The following UTRN variants were observed in gnomAD, a reference collection of about 807,000 sequenced individuals.
The protein encoded by UTRN is dystrophin-related protein 1.
A neutral mutation model predicts 463.9 loss-of-function variants in UTRN; 283 were observed. The observed-to-expected ratio is 0.61, with a 90% CI of 0.55 to 0.67. The LOEUF is 0.67. Ranked by LOEUF, UTRN falls within the 30% of genes least tolerant of loss-of-function variation. UTRN has a pLI of 0.00. For missense variants in UTRN, 3,922 were observed against 4,084.3 expected, an observed-to-expected ratio of 0.96 and a Z score of 1.08; for synonymous variants, 1,442 against 1,431.5, an observed-to-expected ratio of 1.01 and a Z score of -0.17.
At chr6:144,326,316 T>C (rs1775970844) in intron 2 of UTRN, among the ~76,000 whole-genome samples, 1 of 152,290 alleles carries the variant, frequency 6.6e-6, no homozygotes, top group East Asian at 1.9e-4. Flanking sequence ...GTTTTTTTTT[T>C]TTAGTAGCCC....
At chr6:144,635,517 T>C (rs1562685689) in intron 51 of UTRN, among the ~76,000 whole-genome samples, 1 of 80,768 alleles carries the variant, frequency 1.2e-5, no homozygotes, top group Non-Finnish European at 2.4e-5. Context: ...TTTTTTTCTT[T>C]TTTTTTTTTT....
At chr6:144,579,277 G>C (rs1801732815) in intron 51 of UTRN, among the ~76,000 whole-genome samples, 1 of 152,132 alleles carries the variant, frequency 6.6e-6, no homozygotes, top group Non-Finnish European at 1.5e-5. Context: ...TATTTTAGGA[G>C]GTCATAGAGG....
chr6:144,448,802 A>G (rs1410042021), intron 17 of UTRN, 33 bp downstream of exon 17: 10 of 1,603,916 alleles, frequency 6.2e-6, no homozygotes, highest in African/African-American at 1.3e-5. Context: ...TTCAAATCCA[A>G]TATTGCACAT....
At chr6:144,558,184 A>G (rs922184064) in intron 50 of UTRN, among the ~76,000 whole-genome samples, 5 of 152,170 alleles carry the variant, frequency 3.3e-5, no homozygotes, top group Non-Finnish European at 5.9e-5. Flanking sequence ...ACATTTTGAC[A>G]TGGATACGTT....
Position 144,510,993 on chromosome 6 carries a change from C to G in UTRN, c.4814C>G (p.Thr1605Arg), listed in dbSNP as rs1341137055. Residue 1605 changes from threonine (T) to arginine (R), a missense_variant, in exon 35 of 75, where the codon ACA (threonine) becomes AGA (arginine). Physicochemically the swap from Thr to Arg is moderately conservative, Grantham distance 71. This residue lies in a region of UTRN where 2,349 missense variants were observed against 2,303.8 expected (regional missense o/e 1.02). Coordinates refer to ENST00000367545, the MANE Select transcript of UTRN (RefSeq NM_007124.3). ...EKRKADLNTI[T>R]ESSAALQNLI... The stretch of plus-strand genomic sequence containing the variant: ...AGAAAAGCTGATTTAAATACCATCA[C>G]AGAGAGTAGTGCTGCCCTGCAAAAC... 4 of 1,610,874 alleles carry G rather than the reference C, an allele frequency of 2.5e-6. No homozygotes were observed. The South Asian group carries it at 3.3e-5, about 13-fold the overall frequency.
At chr6:144,836,021 A>G (rs1781073328) in intron 70 of UTRN, 83 bp downstream of exon 70, 1 of 1,541,994 alleles carries the variant, frequency 6.5e-7, no homozygotes, top group Non-Finnish European at 8.7e-7. Context: ...TCTCTTTTTC[A>G]AGACTATTGT....
intron 34 of UTRN, among the ~76,000 whole-genome samples, chr6:144,500,580 C>T (rs912727249): frequency 2.0e-5 from 3 of 152,142 alleles, no homozygotes; most frequent in Non-Finnish European, 2.9e-5. Flanking sequence ...TAATTCACCA[C>T]CTTTAAAATC....
rs746416675 is a variant in UTRN, at chr6:144,482,326, G to A, written c.3625G>A (p.Val1209Ile). The change falls in exon 27 of 75, where the codon GTT (valine) becomes ATT (isoleucine). Residue 1209 changes from valine to isoleucine, a missense_variant. Physicochemically the swap from Val to Ile is conservative, Grantham distance 29. Transcript: ENST00000367545. ...GGQELTSELN[V>I]VLENYQLLCN... Reference sequence around the variant, plus strand: ...CCAGGAGTTGACGTCTGAGCTGAATGTTGTGCTGGAGAATTACCAACTTCT... The same window carrying A: ...CCAGGAGTTGACGTCTGAGCTGAATATTGTGCTGGAGAATTACCAACTTCT... 1.2e-6 allele frequency: 2 copies of A among 1,607,598 alleles called. No homozygotes were observed. The highest frequency in any genetic ancestry group is 1.3e-5 in the African/African-American group (1 of 74,694).
At chr6:144,403,703 T>C (rs1390824009) in intron 3 of UTRN, among the ~76,000 whole-genome samples, 19 of 152,246 alleles carry the variant, frequency 1.2e-4, no homozygotes, top group Non-Finnish European at 1.8e-4. Flanking sequence ...CTCTTAGCAT[T>C]TCTAACCATT....
At chr6:144,418,524 G>C (rs1465522197) in intron 3 of UTRN, among the ~76,000 whole-genome samples, 1 of 151,386 alleles carries the variant, frequency 6.6e-6, no homozygotes, top group East Asian at 1.9e-4. Flanking sequence ...TGCCAGGCCT[G>C]TATTTCTTTT....
At chr6:144,636,121 C>G (rs1050109953) in intron 51 of UTRN, among the ~76,000 whole-genome samples, 3 of 152,012 alleles carry the variant, frequency 2.0e-5, no homozygotes, top group African/African-American at 7.3e-5. Context: ...TCTATTCCAT[C>G]GAAGTGTAAG....
chr6:144,715,729 T>C (rs1356278654), intron 53 of UTRN, among the ~76,000 whole-genome samples: 2 of 144,428 alleles, frequency 1.4e-5, no homozygotes, highest in Admixed American at 7.0e-5. Flanking sequence ...TCTTTTTCTA[T>C]AGCATTTATC....
chr6:144,700,147 G>T lies in UTRN; in HGVS notation c.7713G>T (p.Leu2571=). 2 of 1,613,546 alleles carry T rather than the reference G, an allele frequency of 1.2e-6. No homozygotes were observed. Among genetic ancestry groups the T allele is most frequent in the South Asian group, 2.2e-5 (2 of 91,028 alleles). ...WNRLLMSLEE[L]IKWLNMKDEE... ...GGTTGCTGATGTCCTTAGAAGAACT[G>T]ATCAAATGGCTGAATATGAAAGATG... The change falls in exon 53 of 75, where the codon CTG becomes CTT. Residue 2571 remains leucine (L), a synonymous_variant. Transcript: ENST00000367545.
chr6:144,753,056 A>G (rs1018589526), intron 56 of UTRN, among the ~76,000 whole-genome samples: 3 of 152,222 alleles, frequency 2.0e-5, no homozygotes, highest in Non-Finnish European at 4.4e-5. Context: ...CTTAATGAAC[A>G]AAGTGCATAC....
intron 51 of UTRN, among the ~76,000 whole-genome samples, chr6:144,579,544 G>A (rs901971875): frequency 6.6e-6 from 1 of 151,820 alleles, no homozygotes; most frequent in Non-Finnish European, 1.5e-5. Context: ...TTTTATCTTA[G>A]GATATATTCT....
intron 52 of UTRN, among the ~76,000 whole-genome samples, chr6:144,690,961 G>A (rs1237534924): frequency 1.3e-5 from 2 of 152,050 alleles, no homozygotes; most frequent in African/African-American, 4.8e-5. Flanking sequence ...TTAAGTTCCT[G>A]TGTTGCTTCT....
chr6:144,772,015 GGTTTTTTT>G, intron 59 of UTRN, 47 bp downstream of exon 59: 2 of 239,820 alleles, frequency 8.3e-6, no homozygotes, highest in African/African-American at 3.1e-5. Flanking sequence ...ACTGAGAACC[GGTTTTTTT>G]TTTTTTTTTT....
chr6:144,601,997 G>A (rs1432490207), intron 51 of UTRN, among the ~76,000 whole-genome samples: 1 of 152,092 alleles, frequency 6.6e-6, no homozygotes, highest in African/African-American at 2.4e-5. Flanking sequence ...ATTAAGGTAT[G>A]TACAGTAAGT....
intron 54 of UTRN, among the ~76,000 whole-genome samples, chr6:144,732,267 TATATATATATACACAC>T (rs1562832944): frequency 2.3e-4 from 21 of 89,696 alleles, no homozygotes; most frequent in African/African-American, 1.3e-3. Flanking sequence ...TACACACATA[TATATATATATACACAC>T]ATATATATAT....
Sources: gnomAD v4.1 joint callset for allele counts (sites outside exome capture counted in the v4.1 genomes callset) on GRCh38, gnomAD v4.1.1 for gene constraint, gnomAD v4.1.1 regional missense constraint, MANE v1.5 for transcripts, NCBI Gene and HGNC (gene_info 2026-07-23, HGNC 2026-07-21) for gene names.